AGMO: variants seen among roughly 807,000 people sequenced by gnomAD.
AGMO encodes glyceryl-ether monooxygenase.
AGMO carries 75 observed loss-of-function variants against 60.2 expected under a neutral mutation model. That is an observed-to-expected ratio of 1.25 (90% confidence interval 1.03 to 1.51). AGMO has a LOEUF of 1.51. Ranked by LOEUF, AGMO falls within the 40% of genes most tolerant of loss-of-function variation. AGMO has a pLI of 0.00. For synonymous variants in AGMO, 261 were observed against 177.1 expected (o/e 1.47, Z -3.76); for missense variants, 763 against 525.5 (o/e 1.45, Z -4.42).
intron 5 of AGMO, among the ~76,000 whole-genome samples, chr7:15,403,916 A>T (rs1274541769): frequency 1.3e-5 from 2 of 151,948 alleles, no homozygotes; most frequent in Non-Finnish European, 2.9e-5. Flanking sequence ...CTCTTAGGAT[A>T]TGTGCTTGTC....
intron 12 of AGMO, among the ~76,000 whole-genome samples, chr7:15,280,618 C>A (rs1475657645): frequency 6.6e-6 from 1 of 152,196 alleles, no homozygotes; most frequent in Non-Finnish European, 1.5e-5. Context: ...AGCACACATC[C>A]CATTGCTACT....
intron 10 of AGMO, among the ~76,000 whole-genome samples, chr7:15,375,909 CTT>C (rs1021548073): frequency 1.1e-4 from 17 of 152,152 alleles, no homozygotes; most frequent in African/African-American, 4.1e-4. Flanking sequence ...TTAGAAAACA[CTT>C]ATAGTGATAT....
At chr7:15,469,191 T>C (rs1782372746) in intron 3 of AGMO, among the ~76,000 whole-genome samples, 1 of 152,088 alleles carries the variant, frequency 6.6e-6, no homozygotes, top group East Asian at 1.9e-4. Context: ...TTAGAATTGC[T>C]CTATCTTCTT....
intron 3 of AGMO, among the ~76,000 whole-genome samples, chr7:15,474,453 T>C (rs891528620): frequency 3.2e-4 from 49 of 152,158 alleles, no homozygotes; most frequent in African/African-American, 1.2e-3. Flanking sequence ...GGGAAAAGAT[T>C]CCCTATTTAA....
rs1387598979 is a variant in AGMO, at chr7:15,402,765, TC to T, written c.610-8587del. Among the ~76,000 whole-genome samples the T allele has an allele frequency of 2.0e-5, 3 of 151,046 alleles. No homozygotes were observed. The East Asian group carries it at 5.8e-4, about 29-fold the overall frequency. ...GGTTTTCTATCAACACTAGCAATAA[TC>T]TATTTCAGAGCGTTAAAACCTGTAT... On this transcript the variant is annotated intron_variant, in intron 5 of 12. Coordinates refer to ENST00000342526, the MANE Select transcript of AGMO (RefSeq NM_001004320.2).
At chr7:15,266,956 A>G (rs1483446316) in intron 12 of AGMO, among the ~76,000 whole-genome samples, 2 of 151,998 alleles carry the variant, frequency 1.3e-5, no homozygotes, top group African/African-American at 2.4e-5. Context: ...TCTCTAAAAC[A>G]GTGACATAAT....
chr7:15,398,608 G>A (rs1425347482), intron 5 of AGMO, among the ~76,000 whole-genome samples: 2 of 152,100 alleles, frequency 1.3e-5, no homozygotes, highest in Non-Finnish European at 2.9e-5. Context: ...GCAAATTCAG[G>A]CATTTGGCAA....
At chr7:15,416,005 T>G (rs910302534) in intron 5 of AGMO, among the ~76,000 whole-genome samples, 1 of 151,240 alleles carries the variant, frequency 6.6e-6, no homozygotes, top group Non-Finnish European at 1.5e-5. Context: ...GACCTTGTTG[T>G]TTGTTTTTCT....
At chr7:15,513,007 T>C (rs892318329) in intron 3 of AGMO, among the ~76,000 whole-genome samples, 5 of 152,224 alleles carry the variant, frequency 3.3e-5, no homozygotes, top group African/African-American at 1.2e-4. Flanking sequence ...CACTTAAAAT[T>C]GTTTTTGTAA....
intron 2 of AGMO, among the ~76,000 whole-genome samples, chr7:15,546,319 A>T (rs1349762135): frequency 6.6e-6 from 1 of 151,966 alleles, no homozygotes; most frequent in Non-Finnish European, 1.5e-5. Flanking sequence ...ACATTAAAAA[A>T]CTCAATCTCC....
chr7:15,198,168 T>C (rs935939034), downstream of AGMO, among the ~76,000 whole-genome samples: 6 of 145,710 alleles, frequency 4.1e-5, no homozygotes, highest in Admixed American at 2.1e-4. Context: ...TGGTGAGTAA[T>C]TGACGAGTCC....
intron 3 of AGMO, among the ~76,000 whole-genome samples, chr7:15,432,379 T>TATATATGTGTATATATATATATATATAC (rs373845365): frequency 2.2e-5 from 3 of 136,198 alleles, no homozygotes; most frequent in African/African-American, 8.4e-5. Flanking sequence ...CATATATATA[T>TATATATGTGTATATATATATATATATAC]ACACTATCTG....
chr7:15,285,862 T>A (rs1408652979), intron 12 of AGMO, among the ~76,000 whole-genome samples: 2 of 151,952 alleles, frequency 1.3e-5, no homozygotes, highest in Non-Finnish European at 2.9e-5. Flanking sequence ...GACACTGGTA[T>A]ACAAGTAGGT....
intron 3 of AGMO, among the ~76,000 whole-genome samples, chr7:15,538,331 C>G (rs911134192): frequency 2.0e-5 from 3 of 152,104 alleles, no homozygotes; most frequent in African/African-American, 7.2e-5. Flanking sequence ...TTCCTGGGCT[C>G]AGGTGATCTT....
At chr7:15,366,470 A>G (rs985657973) in intron 10 of AGMO, among the ~76,000 whole-genome samples, 1 of 152,106 alleles carries the variant, frequency 6.6e-6, no homozygotes, top group African/African-American at 2.4e-5. Context: ...ATCATCATTT[A>G]AAATTATCCT....
chr7:15,128,896 A>T, the AGMO span, among the ~76,000 whole-genome samples: 2 of 152,076 alleles, frequency 1.3e-5, no homozygotes, highest in Non-Finnish European at 2.9e-5. Context: ...ATAGCTAGGG[A>T]GTCAGCCAAT....
rs1035861162 is a variant in AGMO, at chr7:15,395,675, T to C, written c.610-1496A>G. Among the ~76,000 whole-genome samples, 3 of 152,214 alleles carry C rather than the reference T, an allele frequency of 2.0e-5. No individual in the cohort carries two copies. In the East Asian group the frequency reaches 5.8e-4, roughly 29 times the overall value. On this transcript the variant is annotated intron_variant, in intron 5 of 12. Coordinates refer to ENST00000342526, the MANE Select transcript of AGMO (RefSeq NM_001004320.2). ...TGAGTTTTGAAACAAAATGGATATA[T>C]AAATTTATTGTTATTCTAATTTTAT... is the stretch of plus-strand genomic sequence containing the variant.
chr7:15,450,973 T>C (rs866455343), intron 3 of AGMO, among the ~76,000 whole-genome samples: 5 of 152,314 alleles, frequency 3.3e-5, no homozygotes, highest in Middle Eastern at 3.4e-3. Flanking sequence ...ATGCTAACTG[T>C]TGTTAATGAT....
chr7:15,254,388 G>A (rs571721897), intron 12 of AGMO, among the ~76,000 whole-genome samples: 4 of 152,002 alleles, frequency 2.6e-5, no homozygotes, highest in South Asian at 2.1e-4. Flanking sequence ...CTACATCCTC[G>A]CCAGCATCAT....
Sources: gnomAD v4.1 joint callset for allele counts (sites outside exome capture counted in the v4.1 genomes callset) on GRCh38, gnomAD v4.1.1 for gene constraint, MANE v1.5 for transcripts, NCBI Gene and HGNC (gene_info 2026-07-23, HGNC 2026-07-21) for gene names.